The following GRB14 variants were observed in gnomAD, a reference collection of about 807,000 sequenced individuals.
GRB14 encodes the protein growth factor receptor bound protein 14, also known as growth factor receptor-bound protein 14.
A neutral mutation model predicts 69.1 loss-of-function variants in GRB14; 38 were observed. That is an observed-to-expected ratio of 0.55 (90% CI 0.42 to 0.72). GRB14 has a LOEUF of 0.72. GRB14 is among the 30% of genes least tolerant of loss of function. GRB14 has a pLI of 0.00. For synonymous variants in GRB14, 247 were observed against 241.3 expected, an observed-to-expected ratio of 1.02 and a Z score of -0.22; for missense variants, 666 against 666.1, an observed-to-expected ratio of 1.00 and a Z score of 0.00.
At chr2:164,608,581 T>C (rs1185745364) in intron 2 of GRB14, among the ~76,000 whole-genome samples, 1 of 133,208 alleles carries the variant, frequency 7.5e-6, no homozygotes, top group Non-Finnish European at 1.6e-5. Flanking sequence ...CTTGGACAAA[T>C]GGAAAAAAAG....
intron 2 of GRB14, among the ~76,000 whole-genome samples, chr2:164,586,379 A>G (rs547752384): frequency 1.9e-4 from 29 of 152,208 alleles, no homozygotes; most frequent in Non-Finnish European, 4.1e-4. Context: ...GATTTTTAAC[A>G]AAGAATATGA....
intron 3 of GRB14, among the ~76,000 whole-genome samples, chr2:164,537,036 G>C (rs1358489971): frequency 6.6e-6 from 1 of 152,162 alleles, no homozygotes; most frequent in African/African-American, 2.4e-5. Context: ...AACAGCCCTG[G>C]AGCAGCAGCA....
intron 6 of GRB14, among the ~76,000 whole-genome samples, chr2:164,514,463 G>T (rs1687426956): frequency 6.6e-6 from 1 of 152,156 alleles, no homozygotes; most frequent in South Asian, 2.1e-4. Flanking sequence ...CACAGGAGAA[G>T]GATTTGACAT....
At chr2:164,578,522 G>GCGCACA (rs113742280) in intron 2 of GRB14, among the ~76,000 whole-genome samples, 162 of 145,676 alleles carry the variant, frequency 1.1e-3, no homozygotes, top group Middle Eastern at 3.6e-3. Context: ...CAATTCGCGC[G>GCGCACA]CACACACACA....
intron 2 of GRB14, among the ~76,000 whole-genome samples, chr2:164,559,201 C>T (rs1051969123): frequency 6.6e-6 from 1 of 152,130 alleles, no homozygotes; most frequent in Non-Finnish European, 1.5e-5. Flanking sequence ...CATTCCCATG[C>T]AGTAACAAAC....
At chr2:164,537,045 C>T (rs919983115) in intron 3 of GRB14, among the ~76,000 whole-genome samples, 4 of 152,176 alleles carry the variant, frequency 2.6e-5, no homozygotes, top group African/African-American at 9.6e-5. Context: ...GGAGCAGCAG[C>T]AGCAGTTTGC....
At chr2:164,606,752 T>C (rs1345578468) in intron 2 of GRB14, among the ~76,000 whole-genome samples, 1 of 152,126 alleles carries the variant, frequency 6.6e-6, no homozygotes, top group Non-Finnish European at 1.5e-5. Flanking sequence ...TACTGTAATA[T>C]AATGCAAAAT....
chr2:164,583,858 C>G (rs1171512186), intron 2 of GRB14, among the ~76,000 whole-genome samples: 1 of 152,106 alleles, frequency 6.6e-6, no homozygotes, highest in Non-Finnish European at 1.5e-5. Context: ...TTGGACTTTT[C>G]TTACTTGAGG....
At chr2:164,552,240 A>G (rs1475079908) in intron 2 of GRB14, among the ~76,000 whole-genome samples, 1 of 152,080 alleles carries the variant, frequency 6.6e-6, no homozygotes, top group Non-Finnish European at 1.5e-5. Context: ...AAACTGTATC[A>G]CCCTCCTAGC....
rs755561180 is a variant in GRB14 at position 164,497,050 on chromosome 2, T to C, written c.1340A>G (p.Asp447Gly). 6.2e-7 allele frequency: 1 copy of C among 1,613,876 alleles called. No homozygotes were observed. Among genetic ancestry groups the C allele is most frequent in the Non-Finnish European group, 8.5e-7 (1 of 1,179,864 alleles). The change falls in exon 12 of 14, where the codon GAT (aspartate) becomes GGT (glycine). Residue 447 changes from aspartate (D) to glycine (G), a missense_variant. Coordinates refer to ENST00000263915, the MANE Select transcript of GRB14 (RefSeq NM_004490.3). ...CTGAATAATCAATCGCTGAGCCTCA[T>C]CTCTAGAAATTTTGTGGTGAAACCA... ...QPWFHHKISR[D>G]EAQRLIIQQG...
At chr2:164,582,945 T>C (rs1480593732) in intron 2 of GRB14, among the ~76,000 whole-genome samples, 3 of 152,180 alleles carry the variant, frequency 2.0e-5, no homozygotes, top group Non-Finnish European at 4.4e-5. Flanking sequence ...CCCATTTATG[T>C]CAGTCACCAC....
At position 164,533,224 on chromosome 2, in the gene GRB14, C is replaced by CTTT. The variant is rs537913705; in HGVS notation, c.482-6092_482-6090dup. On this transcript the variant is annotated intron_variant, in intron 3 of 13. Coordinates refer to ENST00000263915, the MANE Select transcript of GRB14 (RefSeq NM_004490.3). Reference sequence around the variant, plus strand: ...TTCTCTACCTTAGTTGTTTCCAATTCTTTTTTTTTTTTTTTTTTTTTTTTT... The same window carrying CTTT: ...TTCTCTACCTTAGTTGTTTCCAATTCTTTTTTTTTTTTTTTTTTTTTTTTTTTT... Among the ~76,000 whole-genome samples, 44 of 80,368 alleles carry CTTT rather than the reference C, an allele frequency of 5.5e-4. 2 individuals are homozygous for CTTT. The highest frequency in any genetic ancestry group is 6.5e-4 in the African/African-American group (13 of 20,074). 52.7% of individuals were successfully genotyped at this position (80,368 alleles called of 152,430 possible). A position where few individuals can be genotyped will look rare whatever the true frequency, so the allele number is the denominator to read the frequency against.
At chr2:164,501,128 AT>A (rs1687040292) in intron 9 of GRB14, among the ~76,000 whole-genome samples, 1 of 152,112 alleles carries the variant, frequency 6.6e-6, no homozygotes, top group Non-Finnish European at 1.5e-5. Context: ...TCTTAACATG[AT>A]TGCTTTTATA....
Position 164,619,541 on chromosome 2 carries a change from T to C in GRB14, c.324+146A>G, listed in dbSNP as rs969528892. The C allele has an allele frequency of 4.6e-5, 27 of 582,748 alleles. No homozygotes were observed. In the East Asian group the frequency reaches 8.2e-4, roughly 18 times the overall value. The allele number at this position is 582,748 out of a possible 1,614,324, so 36.1% of individuals were successfully genotyped here. On this transcript the variant is annotated intron_variant, in intron 2 of 13. Coordinates refer to ENST00000263915, the MANE Select transcript of GRB14 (RefSeq NM_004490.3). ...GAATAAGGCCCTAAATGGAAAATAA[T>C]GCCAAAGGACCATGTCAGTCAACAG...
Position 164,549,863 on chromosome 2 carries a change from A to AAAAATAAAATAAAATAAAAT in GRB14, c.325-2067_325-2048dup, listed in dbSNP as rs10557491. On this transcript the variant is annotated intron_variant, in intron 2 of 13. Coordinates refer to ENST00000263915, the MANE Select transcript of GRB14 (RefSeq NM_004490.3). The stretch of plus-strand genomic sequence containing the variant: ...TAGGTGACAGAGTGAGACTCCATCT[A>AAAAATAAAATAAAATAAAAT]AAAATAAAATAAAATAAAATAAAAT... Among the ~76,000 whole-genome samples the AAAAATAAAATAAAATAAAAT allele has an allele frequency of 3.1e-3, 346 of 110,070 alleles. 3 individuals are homozygous for AAAAATAAAATAAAATAAAAT. The highest frequency in any genetic ancestry group is 0.011 in the African/African-American group (317 of 29,556). The allele number at this position is 110,070 out of a possible 152,430, so 72.2% of individuals were successfully genotyped here. A position where few individuals can be genotyped will look rare whatever the true frequency, so the allele number is the denominator to read the frequency against.
At position 164,603,677 on chromosome 2, in the gene GRB14, TA is replaced by T. The variant is rs1689980807; in HGVS notation, c.324+16009del. 3.4e-5 allele frequency among the ~76,000 whole-genome samples: 5 copies of T among 148,294 alleles called. No homozygotes were observed. The South Asian group carries it at 1.1e-3, about 31-fold the overall frequency. The stretch of plus-strand genomic sequence containing the variant: ...GACACCACCTCAAAAAAAAAATATA[TA>T]TATATTAACTCGACGAAAAAATATT... On this transcript the variant is annotated intron_variant, in intron 2 of 13. Transcript: ENST00000263915.
intron 12 of GRB14, 24 bp from the exon 13 acceptor site, chr2:164,494,548 A>G (rs1219895800): frequency 3.6e-6 from 4 of 1,124,710 alleles, no homozygotes; most frequent in Non-Finnish European, 5.4e-6. Flanking sequence ...AGGAATTTCA[A>G]TGTTTCTATA....
At chr2:164,537,642 G>C (rs1284885239) in intron 3 of GRB14, among the ~76,000 whole-genome samples, 4 of 152,142 alleles carry the variant, frequency 2.6e-5, no homozygotes. Flanking sequence ...ATACCTGAGG[G>C]GAGAGATGCT....
chr2:164,549,446 A>T (rs370214408), intron 2 of GRB14, among the ~76,000 whole-genome samples: 1 of 152,274 alleles, frequency 6.6e-6, no homozygotes, highest in East Asian at 1.9e-4. Flanking sequence ...AGACTTGTTT[A>T]TGTGCCAAAG....
Sources: gnomAD v4.1 joint callset for allele counts (sites outside exome capture counted in the v4.1 genomes callset) on GRCh38, gnomAD v4.1.1 for gene constraint, MANE v1.5 for transcripts, NCBI Gene and HGNC (gene_info 2026-07-23, HGNC 2026-07-21) for gene names.